Variants in ATXN7L1 observed in about 807,000 individuals in gnomAD.
ATXN7L1 encodes the protein ataxin 7 like 1, also known as ataxin-7-like protein 1.
In ATXN7L1, 15 loss-of-function variants were observed where a neutral mutation model predicts 70.8. The observed-to-expected ratio is 0.21, with a 90% confidence interval of 0.14 to 0.33. ATXN7L1 has a LOEUF of 0.33. Ranked by LOEUF, ATXN7L1 falls within the 10% of genes least tolerant of loss-of-function variation. The pLI, the probability that ATXN7L1 is intolerant of heterozygous loss-of-function variation, is 1.00. For synonymous variants in ATXN7L1, 440 were observed against 445.1 expected, an observed-to-expected ratio of 0.99 and a Z score of 0.14; for missense variants, 975 against 1,097.1, an observed-to-expected ratio of 0.89 and a Z score of 1.57.
intron 3 of ATXN7L1, chr7:105,788,054 T>A (rs2116479846): frequency 6.5e-6 from 1 of 153,882 alleles, no homozygotes; most frequent in Admixed American, 6.4e-5. Flanking sequence ...TCAAGGATGT[T>A]TAGAGACGGA....
intron 7 of ATXN7L1, among the ~76,000 whole-genome samples, chr7:105,632,141 AC>A (rs1244923290): frequency 6.6e-6 from 1 of 152,210 alleles, no homozygotes; most frequent in Non-Finnish European, 1.5e-5. Context: ...ATGGCCCAAC[AC>A]TGCTGGAGCA....
intron 4 of ATXN7L1, among the ~76,000 whole-genome samples, chr7:105,658,867 G>A (rs558320435): frequency 6.6e-6 from 1 of 152,234 alleles, no homozygotes; most frequent in East Asian, 1.9e-4. Flanking sequence ...TTCATGACTG[G>A]GCATGGTGGC....
chr7:105,758,025 A>C (rs138266212), intron 3 of ATXN7L1, among the ~76,000 whole-genome samples: 188 of 149,788 alleles, frequency 1.3e-3, no homozygotes, highest in African/African-American at 4.4e-3. Context: ...GATCACTAGG[A>C]ATTCCATAGT....
chr7:105,650,235 A>G (rs1218055763), intron 4 of ATXN7L1, among the ~76,000 whole-genome samples: 2 of 152,262 alleles, frequency 1.3e-5, no homozygotes, highest in East Asian at 3.8e-4. Flanking sequence ...CCGTGGTATG[A>G]CAGATACAGT....
At chr7:105,623,243 TAC>T (rs1795196043) in intron 8 of ATXN7L1, among the ~76,000 whole-genome samples, 1 of 152,122 alleles carries the variant, frequency 6.6e-6, no homozygotes, top group Non-Finnish European at 1.5e-5. Flanking sequence ...GGATTTCACT[TAC>T]ACAGTCTAGA....
At chr7:105,838,498 C>T (rs1337138167) in intron 2 of ATXN7L1, among the ~76,000 whole-genome samples, 1 of 152,190 alleles carries the variant, frequency 6.6e-6, no homozygotes, top group Non-Finnish European at 1.5e-5. Flanking sequence ...AGGCCACACC[C>T]CTAGGGATTT....
intron 3 of ATXN7L1, among the ~76,000 whole-genome samples, chr7:105,686,966 T>C (rs1383410817): frequency 1.3e-5 from 2 of 152,192 alleles, no homozygotes; most frequent in African/African-American, 2.4e-5. Flanking sequence ...ACATAGTTTC[T>C]GGAGCCTACT....
intron 3 of ATXN7L1, among the ~76,000 whole-genome samples, chr7:105,763,728 C>T (rs1280779372): frequency 6.6e-6 from 1 of 152,146 alleles, no homozygotes; most frequent in African/African-American, 2.4e-5. Flanking sequence ...CAAGGTGGGC[C>T]GCTATACTTC....
At chr7:105,702,757 A>C (rs1256217026) in intron 3 of ATXN7L1, among the ~76,000 whole-genome samples, 1 of 151,872 alleles carries the variant, frequency 6.6e-6, no homozygotes, top group Non-Finnish European at 1.5e-5. Context: ...AGGCAGGCGG[A>C]TCACCCGAGG....
At chr7:105,796,102 C>A (rs777422239) in intron 2 of ATXN7L1, among the ~76,000 whole-genome samples, 1 of 152,196 alleles carries the variant, frequency 6.6e-6, no homozygotes, top group African/African-American at 2.4e-5. Context: ...TGGTGGCTCA[C>A]GCCTGTAATC....
chr7:105,713,948 T>C (rs1563029113), intron 3 of ATXN7L1, among the ~76,000 whole-genome samples: 2 of 152,230 alleles, frequency 1.3e-5, no homozygotes, highest in African/African-American at 2.4e-5. Flanking sequence ...AGACAGGATC[T>C]CAAAACTTCT....
Position 105,665,106 on chromosome 7 carries a change from G to A in ATXN7L1, c.538C>T (p.His180Tyr), listed in dbSNP as rs1367416822. 1.3e-6 allele frequency: 2 copies of A among 1,551,638 alleles called. No homozygotes were observed. Among genetic ancestry groups the A allele is most frequent in the African/African-American group, 1.4e-5 (1 of 73,158 alleles). ...GATCCTTTCGCAGGAAAGACTGTGT[G>A]CTGTTTGCTGCTGGAGGTAAGTAGA... ...DNLLTSSSKQ[H>Y]TVFPAKGSRD... Residue 180 changes from histidine (H) to tyrosine (Y), a missense_variant, in exon 4 of 12, where the codon CAC becomes TAC. His to Tyr is a moderately conservative substitution (Grantham distance 83, BLOSUM62 2). Around this residue, in one of 5 missense-constraint regions of ATXN7L1, gnomAD observed 192 missense variants for 215.5 expected, o/e 0.89. Coordinates refer to ENST00000419735, the MANE Select transcript of ATXN7L1 (RefSeq NM_020725.2).
chr7:105,863,120 C>T (rs1042461682), intron 2 of ATXN7L1, among the ~76,000 whole-genome samples: 1 of 152,194 alleles, frequency 6.6e-6, no homozygotes, highest in Admixed American at 6.5e-5. Flanking sequence ...AACTGAACAG[C>T]GGCCTAGAAG....
At chr7:105,713,826 C>T (rs1794208587) in intron 3 of ATXN7L1, among the ~76,000 whole-genome samples, 1 of 152,192 alleles carries the variant, frequency 6.6e-6, no homozygotes, top group Admixed American at 6.5e-5. Flanking sequence ...TTTTCTGGTA[C>T]CCCACAGCAA....
chr7:105,638,811 A>T (rs1797741057), intron 6 of ATXN7L1, among the ~76,000 whole-genome samples: 1 of 152,176 alleles, frequency 6.6e-6, no homozygotes, highest in Non-Finnish European at 1.5e-5. Flanking sequence ...CCTGGTGTTA[A>T]GAAGCCAAAG....
At chr7:105,791,391 G>A (rs1007036970) in intron 2 of ATXN7L1, among the ~76,000 whole-genome samples, 4 of 152,158 alleles carry the variant, frequency 2.6e-5, no homozygotes, top group African/African-American at 7.2e-5. Context: ...GTAGGCAGGC[G>A]GGAGGCCTGT....
chr7:105,849,808 G>T (rs1814611409), intron 2 of ATXN7L1, among the ~76,000 whole-genome samples: 1 of 152,222 alleles, frequency 6.6e-6, no homozygotes. Context: ...TTAAGCCCCA[G>T]CTGCTCTCAG....
chr7:105,626,032 T>C (rs1320358822), intron 7 of ATXN7L1, among the ~76,000 whole-genome samples: 1 of 152,274 alleles, frequency 6.6e-6, no homozygotes, highest in Admixed American at 6.5e-5. Context: ...TCACCCTGGA[T>C]ACTTTGTTGC....
chr7:105,823,019 A>G (rs1419008242), intron 2 of ATXN7L1, among the ~76,000 whole-genome samples: 1 of 152,182 alleles, frequency 6.6e-6, no homozygotes, highest in African/African-American at 2.4e-5. Flanking sequence ...TGATTAAAAT[A>G]GCTTGAAAGC....
Sources: allele counts gnomAD v4.1 joint callset (sites outside exome capture counted in the v4.1 genomes callset), GRCh38; gene constraint gnomAD v4.1.1; regional missense constraint gnomAD v4.1.1; transcripts MANE v1.5; gene names NCBI Gene and HGNC (gene_info 2026-07-23, HGNC 2026-07-21).